Variants in ME3 observed in about 807,000 individuals in gnomAD.
The protein encoded by ME3 is malic enzyme 3.
In ME3, 48 loss-of-function variants were observed where a neutral mutation model predicts 68.9. The observed-to-expected ratio is 0.70, with a 90% CI of 0.55 to 0.89. The LOEUF (loss-of-function observed/expected upper bound fraction) is 0.89. Among genes scored for constraint, ME3 ranks in the 40% least tolerant of loss-of-function variants. ME3 has a pLI of 0.00. For missense variants in ME3, 675 were observed against 797.4 expected, an observed-to-expected ratio of 0.85 and a Z score of 1.85; for synonymous variants, 320 against 318.8, an observed-to-expected ratio of 1.00 and a Z score of -0.04.
At chr11:86,548,782 G>T (rs1353420752) in intron 4 of ME3, among the ~76,000 whole-genome samples, 1 of 152,002 alleles carries the variant, frequency 6.6e-6, no homozygotes, top group Non-Finnish European at 1.5e-5. Flanking sequence ...AAAGGGGGAG[G>T]GATTATAGGT....
intron 3 of ME3, among the ~76,000 whole-genome samples, chr11:86,559,187 C>A (rs977862114): frequency 1.3e-5 from 2 of 152,158 alleles, no homozygotes; most frequent in African/African-American, 4.8e-5. Flanking sequence ...TTAACTGTTG[C>A]CCATAGCCTC....
intron 7 of ME3, among the ~76,000 whole-genome samples, chr11:86,465,640 G>T (rs2084508082): frequency 6.6e-6 from 1 of 152,100 alleles, no homozygotes. Flanking sequence ...GGGAGCCCCT[G>T]CATCCTCCAA....
intron 5 of ME3, among the ~76,000 whole-genome samples, chr11:86,499,136 G>T (rs971014625): frequency 1.3e-5 from 2 of 152,144 alleles, no homozygotes; most frequent in African/African-American, 4.8e-5. Flanking sequence ...GTGGGGTATG[G>T]GTGGGGAGAA....
intron 2 of ME3, among the ~76,000 whole-genome samples, chr11:86,618,329 A>AAAAAG (rs1943120241): frequency 6.9e-6 from 1 of 144,948 alleles, no homozygotes; most frequent in African/African-American, 2.6e-5. Flanking sequence ...AAAAAAAAAA[A>AAAAAG]GTAGGATCAT....
chr11:86,600,675 A>G (rs1227116762), intron 2 of ME3, among the ~76,000 whole-genome samples: 2 of 152,036 alleles, frequency 1.3e-5, no homozygotes, highest in Non-Finnish European at 2.9e-5. Context: ...CACCACACCT[A>G]TTCCAAAATT....
At chr11:86,555,497 T>C (rs1252888046) in intron 4 of ME3, among the ~76,000 whole-genome samples, 1 of 152,148 alleles carries the variant, frequency 6.6e-6, no homozygotes, top group Non-Finnish European at 1.5e-5. Context: ...AGTGAGCCTC[T>C]ATAGGTTTGC....
chr11:86,523,957 A>G (rs891987849), intron 4 of ME3, among the ~76,000 whole-genome samples: 7 of 152,240 alleles, frequency 4.6e-5, no homozygotes, highest in Non-Finnish European at 8.8e-5. Flanking sequence ...TACTTAGAAT[A>G]TTAAAATGTG....
At chr11:86,640,663 C>T (rs1437322834) in intron 2 of ME3, among the ~76,000 whole-genome samples, 1 of 152,240 alleles carries the variant, frequency 6.6e-6, no homozygotes, top group Non-Finnish European at 1.5e-5. Flanking sequence ...TGAGCTATCT[C>T]ACTTTGCCTC....
chr11:86,603,187 G>T (rs538157948), intron 2 of ME3, among the ~76,000 whole-genome samples: 1 of 151,964 alleles, frequency 6.6e-6, no homozygotes, highest in African/African-American at 2.4e-5. Flanking sequence ...GAAAATTTTC[G>T]CAACCTACTC....
chr11:86,595,320 G>GAGAGAGAGAC (rs1554995999), intron 2 of ME3, among the ~76,000 whole-genome samples: 5,202 of 138,480 alleles, frequency 0.038, 477 homozygotes, highest in Non-Finnish European at 0.054. Context: ...GAGAGAGAGA[G>GAGAGAGAGAC]AGAGAGAGAG....
In ME3 at chr11:86,467,040, G is replaced by C. The variant is rs533921352; in HGVS notation, c.810-1840C>G. On this transcript the variant is annotated intron_variant, in intron 7 of 14. Coordinates refer to ENST00000543262, the Ensembl canonical transcript of ME3. ...CCCCCAGCTTTACTGAGGCATAATT[G>C]ACAAATACAAATTGCATATATTGAA... is the stretch of plus-strand genomic sequence containing the variant. Among the ~76,000 whole-genome samples, 13 of 152,228 alleles carry C rather than the reference G, an allele frequency of 8.5e-5. No individual in the cohort carries two copies. The East Asian group carries it at 2.3e-3, about 27-fold the overall frequency.
chr11:86,462,160 A>G (rs1240148329), intron 8 of ME3, among the ~76,000 whole-genome samples: 1 of 152,216 alleles, frequency 6.6e-6, no homozygotes, highest in Non-Finnish European at 1.5e-5. Flanking sequence ...CTTGAACAAC[A>G]TGGGGTTGAG....
At chr11:86,435,829 A>C in the ME3 span, 1 of 152,312 alleles carries the variant, frequency 6.6e-6, no homozygotes, top group African/African-American at 2.4e-5. Context: ...GATGTTCTCA[A>C]TTGAGGCTAG....
At chr11:86,653,227 C>G (rs897254130) in intron 2 of ME3, among the ~76,000 whole-genome samples, 4 of 152,050 alleles carry the variant, frequency 2.6e-5, no homozygotes, top group Non-Finnish European at 5.9e-5. Context: ...ATTGAACTCA[C>G]CTCTACACCA....
intron 4 of ME3, among the ~76,000 whole-genome samples, chr11:86,522,106 T>C (rs1263669982): frequency 6.6e-6 from 1 of 152,064 alleles, no homozygotes; most frequent in South Asian, 2.1e-4. Flanking sequence ...AAAAATTAGC[T>C]GGGTGTGGTG....
chr11:86,443,134 A>G (rs1418060410), intron 13 of ME3, among the ~76,000 whole-genome samples: 1 of 152,228 alleles, frequency 6.6e-6, no homozygotes, highest in Non-Finnish European at 1.5e-5. Context: ...TTAAAACAAC[A>G]TTAAGTGTCT....
chr11:86,518,080 C>G (rs541089671), intron 4 of ME3, among the ~76,000 whole-genome samples: 3 of 152,198 alleles, frequency 2.0e-5, no homozygotes, highest in Non-Finnish European at 4.4e-5. Context: ...ACACCCAAAC[C>G]TTTTCTGAGT....
intron 2 of ME3, among the ~76,000 whole-genome samples, chr11:86,623,643 G>A (rs779529467): frequency 1.1e-4 from 17 of 152,140 alleles, no homozygotes; most frequent in Non-Finnish European, 2.1e-4. Context: ...ACTGTTTAAG[G>A]CTGCCAGACA....
chr11:86,626,107 G>A (rs1943646484), intron 2 of ME3, among the ~76,000 whole-genome samples: 1 of 152,180 alleles, frequency 6.6e-6, no homozygotes, highest in South Asian at 2.1e-4. Context: ...AAGGCTTCCT[G>A]TGCCAGTTAT....
Sources: gnomAD v4.1 joint callset for allele counts (sites outside exome capture counted in the v4.1 genomes callset) on GRCh38, gnomAD v4.1.1 for gene constraint, MANE v1.5 for transcripts, NCBI Gene and HGNC (gene_info 2026-07-23, HGNC 2026-07-21) for gene names.